TPH2: variants seen among roughly 807,000 people sequenced by gnomAD.
The protein encoded by TPH2 is tryptophan hydroxylase 2, also known as tryptophan 5-hydroxylase 2.
In TPH2, 27 loss-of-function variants were observed where a neutral mutation model predicts 59.1. The ratio of observed to expected loss-of-function variants is 0.46; its 90% CI spans 0.34 to 0.63. The LOEUF is 0.63. TPH2 is among the 30% of genes least tolerant of loss of function. TPH2 has a pLI of 0.01. For synonymous variants in TPH2, 220 were observed against 210.5 expected (o/e 1.05, Z -0.39); for missense variants, 523 against 588.3 (o/e 0.89, Z 1.15).
chr12:71,966,250 C>CTT (rs200063099), intron 5 of TPH2, among the ~76,000 whole-genome samples: 13 of 147,300 alleles, frequency 8.8e-5, no homozygotes, highest in African/African-American at 3.0e-4. Flanking sequence ...CTGTCTAAAT[C>CTT]TTTTTTTTTT....
At chr12:71,953,820 T>C (rs1298396435) in intron 5 of TPH2, among the ~76,000 whole-genome samples, 2 of 152,160 alleles carry the variant, frequency 1.3e-5, no homozygotes, top group East Asian at 3.9e-4. Context: ...TGTTGATAAT[T>C]AGTTAAGACT....
intron 7 of TPH2, among the ~76,000 whole-genome samples, chr12:71,985,462 G>A (rs1045048985): frequency 2.0e-5 from 3 of 152,024 alleles, no homozygotes; most frequent in Non-Finnish European, 2.9e-5. Flanking sequence ...GCAGTGGTGC[G>A]ATGTCAGCTC....
At chr12:71,985,275 T>G (rs1872398818) in intron 7 of TPH2, among the ~76,000 whole-genome samples, 1 of 152,258 alleles carries the variant, frequency 6.6e-6, no homozygotes, top group African/African-American at 2.4e-5. Context: ...ACTTTGTTAA[T>G]CAGTAACACT....
At chr12:71,997,462 A>G (rs1872722383) in intron 8 of TPH2, among the ~76,000 whole-genome samples, 1 of 152,174 alleles carries the variant, frequency 6.6e-6, no homozygotes, top group African/African-American at 2.4e-5. Context: ...TCATACCTTG[A>G]AATCTATTTT....
In TPH2 at chr12:72,015,296, T is replaced by C. The variant is rs539950230; in HGVS notation, c.1069-7103T>C. Reference sequence around the variant, plus strand: ...GGCTGTGAGCCACAGAGCCCTTTTATGTGGTTTTTTTTTTGGTTGTTTTTT... The same window carrying C: ...GGCTGTGAGCCACAGAGCCCTTTTACGTGGTTTTTTTTTTGGTTGTTTTTT... On this transcript the variant is annotated intron_variant, in intron 8 of 10. Transcript: ENST00000333850. Among the ~76,000 whole-genome samples the C allele has an allele frequency of 8.7e-5, 13 of 150,164 alleles. No homozygotes were observed. The East Asian group carries it at 2.4e-3, about 27-fold the overall frequency.
intron 7 of TPH2, among the ~76,000 whole-genome samples, chr12:71,993,697 A>C (rs1443547375): frequency 1.3e-5 from 2 of 152,240 alleles, no homozygotes; most frequent in Non-Finnish European, 2.9e-5. Flanking sequence ...TATTAGAGCC[A>C]TAAATCATCT....
intron 8 of TPH2, among the ~76,000 whole-genome samples, chr12:72,007,670 C>A (rs1476763031): frequency 6.6e-6 from 1 of 152,010 alleles, no homozygotes; most frequent in Non-Finnish European, 1.5e-5. Context: ...TTTAAAAGTT[C>A]TCTGTAATAA....
At chr12:71,944,747 A>C in intron 4 of TPH2, 61 bp downstream of exon 4, 1 of 1,441,768 alleles carries the variant, frequency 6.9e-7, no homozygotes, top group Non-Finnish European at 9.8e-7. Flanking sequence ...TGTGCCAGGC[A>C]CTGTGCCATG....
chr12:72,012,301 G>C (rs1231810947), intron 8 of TPH2, among the ~76,000 whole-genome samples: 1 of 152,120 alleles, frequency 6.6e-6, no homozygotes, highest in Non-Finnish European at 1.5e-5. Flanking sequence ...GTGTGGATTC[G>C]TATGGGCTAC....
At chr12:71,972,498 A>C in intron 5 of TPH2, 21 bp from the exon 6 acceptor site, 1 of 1,611,912 alleles carries the variant, frequency 6.2e-7, no homozygotes, top group Non-Finnish European at 8.5e-7. Context: ...AGATTCATTT[A>C]GTTTCTTCTC....
At chr12:71,975,074 C>G (rs1484855327) in intron 6 of TPH2, among the ~76,000 whole-genome samples, 1 of 152,134 alleles carries the variant, frequency 6.6e-6, no homozygotes, top group Non-Finnish European at 1.5e-5. Context: ...TAAAAACTGG[C>G]TAGGCACAGT....
intron 8 of TPH2, among the ~76,000 whole-genome samples, chr12:72,007,161 C>T (rs1399981498): frequency 1.3e-5 from 2 of 152,100 alleles, no homozygotes; most frequent in Non-Finnish European, 2.9e-5. Context: ...AGTGTTTTAA[C>T]CATAAATAAT....
At chr12:71,961,580 C>G (rs756946280) in intron 5 of TPH2, 2 of 1,352,052 alleles carry the variant, frequency 1.5e-6, no homozygotes, top group South Asian at 2.3e-5. Flanking sequence ...CTGCTATTGG[C>G]GACTGGGAAT....
chr12:72,014,515 A>T (rs7304392), intron 8 of TPH2, among the ~76,000 whole-genome samples: 4 of 151,576 alleles, frequency 2.6e-5, no homozygotes, highest in Non-Finnish European at 5.9e-5. Flanking sequence ...CTCAGCCTCC[A>T]GAGTAGCTGG....
Position 72,031,396 on chromosome 12 carries a change from A to C in TPH2, c.1298+5A>C. 6.2e-7 allele frequency: 1 copy of C among 1,613,566 alleles called. No individual in the cohort carries two copies. Among genetic ancestry groups the C allele is most frequent in the Non-Finnish European group, 8.5e-7 (1 of 1,179,602 alleles). On this transcript the variant is annotated splice_donor_5th_base_variant and intron_variant, in intron 10 of 10. Coordinates refer to ENST00000333850, the MANE Select transcript of TPH2 (RefSeq NM_173353.4). ...AGAAGCCAAAGAAAAGATGAGGTAAACTTTTTTTTCCTCCTAGCTAGAGAA... is the reference window on the plus strand; with the variant it reads ...AGAAGCCAAAGAAAAGATGAGGTAACCTTTTTTTTCCTCCTAGCTAGAGAA...
intron 7 of TPH2, among the ~76,000 whole-genome samples, chr12:71,992,842 T>C (rs1333754549): frequency 6.6e-6 from 1 of 152,244 alleles, no homozygotes; most frequent in Non-Finnish European, 1.5e-5. Flanking sequence ...TCTTCTTTAT[T>C]TTTCATTTCT....
intron 5 of TPH2, among the ~76,000 whole-genome samples, chr12:71,966,250 C>CT (rs200063099): frequency 0.053 from 7,874 of 147,334 alleles, 679 homozygotes; most frequent in African/African-American, 0.18. Flanking sequence ...CTGTCTAAAT[C>CT]TTTTTTTTTT....
chr12:71,942,690 T>C (rs1336088104), intron 2 of TPH2, among the ~76,000 whole-genome samples: 3 of 152,206 alleles, frequency 2.0e-5, no homozygotes, highest in Non-Finnish European at 2.9e-5. Context: ...CTTTGTAAAG[T>C]GTACAACTAT....
At chr12:71,960,186 A>G (rs1423636528) in intron 5 of TPH2, among the ~76,000 whole-genome samples, 2 of 152,172 alleles carry the variant, frequency 1.3e-5, no homozygotes, top group African/African-American at 2.4e-5. Context: ...TCCCAGATGA[A>G]TAGGATAGTT....
Sources: gnomAD v4.1 joint callset for allele counts (sites outside exome capture counted in the v4.1 genomes callset) on GRCh38, gnomAD v4.1.1 for gene constraint, MANE v1.5 for transcripts, NCBI Gene and HGNC (gene_info 2026-07-23, HGNC 2026-07-21) for gene names.